Variants in CNOT7 observed in about 807,000 individuals in gnomAD.
The protein encoded by CNOT7 is CCR4-NOT transcription complex subunit 7.
A neutral mutation model predicts 37.1 loss-of-function variants in CNOT7; 4 were observed. That is an observed-to-expected ratio of 0.11 (90% confidence interval 0.05 to 0.25). CNOT7 has a LOEUF of 0.25. Ranked by LOEUF, CNOT7 falls within the 10% of genes least tolerant of loss-of-function variation. The pLI is 1.00. For missense variants in CNOT7, 170 were observed against 336.2 expected (o/e 0.51, Z 3.87); for synonymous variants, 128 against 115.6 (o/e 1.11, Z -0.69).
chr8:17,234,618 T>C lies in CNOT7; in HGVS notation c.618+98A>G, dbSNP rs1355951306. 12 of 1,293,852 alleles carry C rather than the reference T, an allele frequency of 9.3e-6. No homozygotes were observed. In the African/African-American group the frequency reaches 1.2e-4, roughly 13 times the overall value. The allele number at this position is 1,293,852 out of a possible 1,614,324, so 80.1% of individuals were successfully genotyped here. The stretch of plus-strand genomic sequence containing the variant: ...TATAATTGCATTCACTGTAATACTT[T>C]AAAATATGGTTTAAAACAACATCCC... On this transcript the variant is annotated intron_variant, in intron 5 of 6. Coordinates refer to ENST00000361272, the MANE Select transcript of CNOT7 (RefSeq NM_013354.7).
At position 17,243,434 on chromosome 8, in the gene CNOT7, A is replaced by T. The variant is rs1205639988; in HGVS notation, c.118-249T>A. The T allele has an allele frequency of 1.5e-5, 9 of 617,358 alleles. No individual in the cohort carries two copies. In the African/African-American group the frequency reaches 1.6e-4, roughly 11 times the overall value. The allele number at this position is 617,358 out of a possible 1,614,324, so 38.2% of individuals were successfully genotyped here. On this transcript the variant is annotated intron_variant, in intron 2 of 6. Transcript: ENST00000361272. ...AGATACATGTGATAAATTTAACCAA[A>T]TACTTACTCTATAACCAAGAAAGGG...
chr8:17,230,688 G>A lies in CNOT7; in HGVS notation c.*32C>T. 1 of 1,582,638 alleles carries A rather than the reference G, an allele frequency of 6.3e-7. No individual in the cohort carries two copies. Among genetic ancestry groups the A allele is most frequent in the Non-Finnish European group, 8.6e-7 (1 of 1,165,680 alleles). ...AAACCTATATACAAGCATGTGTGTA[G>A]CTCGAAATAAAAATAAAAGGACTAT... On this transcript the variant is annotated 3_prime_UTR_variant, in exon 7 of 7. Coordinates refer to ENST00000361272, the MANE Select transcript of CNOT7 (RefSeq NM_013354.7).
rs374467494 is a variant in CNOT7 at position 17,242,762 on chromosome 8, T to C, written c.311+230A>G. The C allele has an allele frequency of 1.6e-4, 55 of 346,806 alleles. 1 individual carries two copies. The highest frequency in any genetic ancestry group is 1.1e-3 in the African/African-American group (54 of 47,318). The allele number at this position is 346,806 out of a possible 1,614,324, so 21.5% of individuals were successfully genotyped here. A position where few individuals can be genotyped will look rare whatever the true frequency, so the allele number is the denominator to read the frequency against. Reference sequence around the variant, plus strand: ...TACTTTCAATACCCAGTCTTCCAAATACAAAAAAAGCTGCAGTCATATTTT... The same window carrying C: ...TACTTTCAATACCCAGTCTTCCAAACACAAAAAAAGCTGCAGTCATATTTT... On this transcript the variant is annotated intron_variant, in intron 3 of 6. Transcript: ENST00000361272.
At chr8:17,233,122 G>A (rs1203548034) in intron 5 of CNOT7, among the ~76,000 whole-genome samples, 2 of 152,136 alleles carry the variant, frequency 1.3e-5, no homozygotes, top group African/African-American at 4.8e-5. Context: ...AAAGAAAGAT[G>A]AGAGTGGAAA....
chr8:17,235,367 C>T (rs532615248), intron 4 of CNOT7, among the ~76,000 whole-genome samples: 3 of 152,180 alleles, frequency 2.0e-5, no homozygotes, highest in Non-Finnish European at 2.9e-5. Context: ...AAGACTGTAA[C>T]AAGGTATTTT....
rs974398421 is a variant in CNOT7 at position 17,228,175 on chromosome 8, A to G, written c.*2545T>C. On this transcript the variant is annotated 3_prime_UTR_variant, in exon 7 of 7. Transcript: ENST00000361272. The stretch of plus-strand genomic sequence containing the variant: ...AAAAGCCATTTTCAGTTCATGGGCC[A>G]CACAAAAACAGGCAGCAAGCTGATT... 1 of 151,934 alleles carries G rather than the reference A, an allele frequency of 6.6e-6. No individual in the cohort carries two copies. The highest frequency in any genetic ancestry group is 1.5e-5 in the Non-Finnish European group (1 of 67,838). The allele number at this position is 151,934 out of a possible 1,614,324, so 9.4% of individuals were successfully genotyped here. A position where few individuals can be genotyped will look rare whatever the true frequency, so the allele number is the denominator to read the frequency against.
Position 17,226,102 on chromosome 8 carries a change from A to G in CNOT7, c.*4618T>C, listed in dbSNP as rs377365420. ...TTAGAGGCTTTGCAAGCTAAGACAA[A>G]ATGAAGGACATTATTTAGGTACTCA... On this transcript the variant is annotated 3_prime_UTR_variant, in exon 7 of 7. Coordinates refer to ENST00000361272, the MANE Select transcript of CNOT7 (RefSeq NM_013354.7). 14 of 146,030 alleles carry G rather than the reference A, an allele frequency of 9.6e-5. No homozygotes were observed. Among genetic ancestry groups the G allele is most frequent in the Non-Finnish European group, 6.0e-5 (4 of 66,488 alleles). 9.0% of individuals were successfully genotyped at this position (146,030 alleles called of 1,614,324 possible). A position where few individuals can be genotyped will look rare whatever the true frequency, so the allele number is the denominator to read the frequency against.
At chr8:17,240,012 T>C (rs1053566900) in intron 3 of CNOT7, among the ~76,000 whole-genome samples, 1 of 152,218 alleles carries the variant, frequency 6.6e-6, no homozygotes, top group African/African-American at 2.4e-5. Flanking sequence ...AACACTGAGT[T>C]ATAAAGACCA....
intron 3 of CNOT7, 63 bp from the exon 4 acceptor site, chr8:17,237,436 T>C (rs1809527931): frequency 6.8e-7 from 1 of 1,475,504 alleles, no homozygotes; most frequent in African/African-American, 1.4e-5. Flanking sequence ...GCTGTTCTTC[T>C]GCTTACATCT....
intron 6 of CNOT7, chr8:17,231,509 C>T (rs892528649): frequency 8.1e-6 from 8 of 984,576 alleles, no homozygotes; most frequent in African/African-American, 5.2e-5. Flanking sequence ...GAATCAACAA[C>T]ACTACTTAGC....
At chr8:17,239,317 C>T (rs757991833) in intron 3 of CNOT7, among the ~76,000 whole-genome samples, 7 of 152,248 alleles carry the variant, frequency 4.6e-5, no homozygotes, top group South Asian at 2.1e-4. Flanking sequence ...ACTGGCCTCC[C>T]GAAGTGCTGG....
chr8:17,241,657 G>A (rs1810183800), intron 3 of CNOT7: 1 of 152,126 alleles, frequency 6.6e-6, no homozygotes, highest in African/African-American at 2.4e-5. Flanking sequence ...GAAGAACAAT[G>A]CAATATTGCA....
rs1808410373 is a variant in CNOT7 at position 17,229,851 on chromosome 8, AAG to A, written c.*867_*868del. 2 of 152,096 alleles carry A rather than the reference AAG, an allele frequency of 1.3e-5. No individual in the cohort carries two copies. Among genetic ancestry groups the A allele is most frequent in the Admixed American group, 6.6e-5 (1 of 15,196 alleles). 9.4% of individuals were successfully genotyped at this position (152,096 alleles called of 1,614,324 possible). On this transcript the variant is annotated 3_prime_UTR_variant, in exon 7 of 7. Coordinates refer to ENST00000361272, the MANE Select transcript of CNOT7 (RefSeq NM_013354.7). ...TGGCTACAAAATTTAAAAAAAAAAA[AAG>A]GGTAAATGGTGATGGAATAAAAATA...
At chr8:17,232,989 G>A (rs1030540943) in intron 5 of CNOT7, among the ~76,000 whole-genome samples, 5 of 152,110 alleles carry the variant, frequency 3.3e-5, no homozygotes, top group Non-Finnish European at 5.9e-5. Context: ...AAGCCATTAT[G>A]AATAATCATT....
rs1178337155 is a variant in CNOT7, at chr8:17,227,387, G to A, written c.*3333C>T. 1.3e-5 allele frequency: 2 copies of A among 151,824 alleles called. No individual in the cohort carries two copies. The highest frequency in any genetic ancestry group is 2.9e-5 in the Non-Finnish European group (2 of 67,804). The allele number at this position is 151,824 out of a possible 1,614,324, so 9.4% of individuals were successfully genotyped here. On this transcript the variant is annotated 3_prime_UTR_variant, in exon 7 of 7. Coordinates refer to ENST00000361272, the MANE Select transcript of CNOT7 (RefSeq NM_013354.7). ...AGCTAGGCAGTACTGACTAGTAAGA[G>A]GCAAAGAATTAACAGTGTCATTTGA...
intron 2 of CNOT7, chr8:17,243,554 A>C (rs914987624): frequency 5.2e-5 from 24 of 465,576 alleles, no homozygotes; most frequent in African/African-American, 4.4e-4. Context: ...AACTGGTTCA[A>C]AAGAGGGGAA....
At position 17,240,972 on chromosome 8, in the gene CNOT7, G is replaced by C. The variant is rs140621051; in HGVS notation, c.311+2020C>G. Among the ~76,000 whole-genome samples the C allele has an allele frequency of 5.6e-4, 85 of 152,292 alleles. 2 individuals are homozygous for C. In the East Asian group the frequency reaches 0.015, roughly 27 times the overall value. On this transcript the variant is annotated intron_variant, in intron 3 of 6. Coordinates refer to ENST00000361272, the MANE Select transcript of CNOT7 (RefSeq NM_013354.7). ...AAAAATCTCATAATGTTTTAAGAAAGTTTACGAATTTCTGTTGGGCTGCAT... is the reference window on the plus strand; with the variant it reads ...AAAAATCTCATAATGTTTTAAGAAACTTTACGAATTTCTGTTGGGCTGCAT...
chr8:17,246,340 CTGATAACACTGA>C (rs1183622529), intron 1 of CNOT7: 1 of 152,302 alleles, frequency 6.6e-6, no homozygotes, highest in Non-Finnish European at 1.5e-5. Context: ...TGCGAAGGTG[CTGATAACACTGA>C]CTGGAGCTAC....
Position 17,229,981 on chromosome 8 carries a change from C to G in CNOT7, c.*739G>C, listed in dbSNP as rs749268949. 1 of 152,238 alleles carries G rather than the reference C, an allele frequency of 6.6e-6. No homozygotes were observed. The highest frequency in any genetic ancestry group is 1.5e-5 in the Non-Finnish European group (1 of 67,838). The allele number at this position is 152,238 out of a possible 1,614,324, so 9.4% of individuals were successfully genotyped here. ...AAACATCCAATCACAAGGGATTTTTCCTGAAGGGTGTAAAGCTGGTTTGAA... is the reference window on the plus strand; with the variant it reads ...AAACATCCAATCACAAGGGATTTTTGCTGAAGGGTGTAAAGCTGGTTTGAA... On this transcript the variant is annotated 3_prime_UTR_variant, in exon 7 of 7. Transcript: ENST00000361272.
Sources: allele counts gnomAD v4.1 joint callset (sites outside exome capture counted in the v4.1 genomes callset), GRCh38; gene constraint gnomAD v4.1.1; transcripts MANE v1.5; gene names NCBI Gene and HGNC (gene_info 2026-07-23, HGNC 2026-07-21).